The following SAMD12 variants were observed in gnomAD, a reference collection of about 807,000 sequenced individuals.
SAMD12 encodes sterile alpha motif domain containing 12.
Under a neutral mutation model 15.0 loss-of-function variants are expected in SAMD12, and 9 were observed. The observed-to-expected ratio is 0.60, with a 90% CI of 0.36 to 1.05. SAMD12 has a LOEUF of 1.05. Among genes scored for constraint, SAMD12 ranks in the 50% least tolerant of loss-of-function variants. The pLI is 0.01. For synonymous variants in SAMD12, 86 were observed against 90.1 expected, an observed-to-expected ratio of 0.96 and a Z score of 0.25; for missense variants, 230 against 234.2, an observed-to-expected ratio of 0.98 and a Z score of 0.12.
At chr8:118,385,962 C>T (rs530461760) in intron 3 of SAMD12, among the ~76,000 whole-genome samples, 3 of 152,252 alleles carry the variant, frequency 2.0e-5, no homozygotes, top group Admixed American at 6.5e-5. Context: ...ATAGAGAACA[C>T]GAGACTAAAT....
chr8:118,166,350 T>C, the SAMD12 span, among the ~76,000 whole-genome samples: 1 of 152,244 alleles, frequency 6.6e-6, no homozygotes, highest in Non-Finnish European at 1.5e-5. Flanking sequence ...TAGGATTTTA[T>C]ACTTACAGTA....
intron 2 of SAMD12, among the ~76,000 whole-genome samples, chr8:118,576,505 C>G (rs531199255): frequency 6.6e-6 from 1 of 152,260 alleles, no homozygotes; most frequent in East Asian, 1.9e-4. Context: ...TTAGACTTCA[C>G]GGCTAAAGGC....
chr8:118,621,836 C>G lies in SAMD12; in HGVS notation c.-20G>C. On this transcript the variant is annotated 5_prime_UTR_variant, in exon 1 of 4. Coordinates refer to ENST00000314727, the MANE Select transcript of SAMD12 (RefSeq NM_207506.3). ...AGCCATTCTCTCAGAGCTTCCCTAA[C>G]GCATGCATAATTTTCTTGGCCGAGG... 6.2e-7 allele frequency: 1 copy of G among 1,613,944 alleles called. No individual in the cohort carries two copies. The highest frequency in any genetic ancestry group is 8.5e-7 in the Non-Finnish European group (1 of 1,179,814).
At chr8:118,560,862 T>C (rs1023071246) in intron 2 of SAMD12, among the ~76,000 whole-genome samples, 10 of 152,072 alleles carry the variant, frequency 6.6e-5, no homozygotes, top group Admixed American at 5.9e-4. Flanking sequence ...TATAGAAAAA[T>C]AATACAAACT....
chr8:118,283,845 G>A (rs913614029), intron 4 of SAMD12, among the ~76,000 whole-genome samples: 1 of 152,154 alleles, frequency 6.6e-6, no homozygotes, highest in Non-Finnish European at 1.5e-5. Context: ...GAAGAGTAAG[G>A]TTCTATTCTC....
At chr8:118,483,818 AC>A (rs1824198505) in intron 2 of SAMD12, among the ~76,000 whole-genome samples, 1 of 152,112 alleles carries the variant, frequency 6.6e-6, no homozygotes, top group Admixed American at 6.6e-5. Context: ...TGTCATTCTT[AC>A]CCCCATTTCG....
At chr8:118,351,650 G>T (rs965429341) in intron 4 of SAMD12, among the ~76,000 whole-genome samples, 9 of 152,166 alleles carry the variant, frequency 5.9e-5, no homozygotes, top group Non-Finnish European at 1.3e-4. Context: ...AAAGGAGCTT[G>T]CCCAAGTTCC....
At chr8:118,266,400 A>G (rs1813200669) in intron 4 of SAMD12, among the ~76,000 whole-genome samples, 2 of 152,190 alleles carry the variant, frequency 1.3e-5, no homozygotes, top group Non-Finnish European at 2.9e-5. Context: ...GGGGATGTAA[A>G]TTAGTACAAC....
intron 2 of SAMD12, among the ~76,000 whole-genome samples, chr8:118,532,849 C>T (rs989979402): frequency 5.9e-5 from 9 of 152,034 alleles, no homozygotes; most frequent in African/African-American, 2.2e-4. Context: ...ACTAGTCTTT[C>T]TAGCGGTCTA....
At chr8:118,161,085 T>C in the SAMD12 span, among the ~76,000 whole-genome samples, 13 of 152,106 alleles carry the variant, frequency 8.5e-5, no homozygotes, top group African/African-American at 3.1e-4. Flanking sequence ...AGAATGATGG[T>C]TTCCAGTTTC....
intron 2 of SAMD12, among the ~76,000 whole-genome samples, chr8:118,514,509 A>G (rs1423483440): frequency 6.6e-5 from 10 of 152,344 alleles, no homozygotes; most frequent in African/African-American, 1.9e-4. Flanking sequence ...AGGAAGGCTA[A>G]CAAATTCTCA....
chr8:118,476,021 GTA>G (rs1249883754), intron 2 of SAMD12, among the ~76,000 whole-genome samples: 1 of 152,180 alleles, frequency 6.6e-6, no homozygotes, highest in Non-Finnish European at 1.5e-5. Flanking sequence ...TTAAGTAATA[GTA>G]TAAAACATCT....
intron 3 of SAMD12, among the ~76,000 whole-genome samples, chr8:118,420,179 T>G (rs575785043): frequency 1.3e-5 from 2 of 152,252 alleles, no homozygotes; most frequent in South Asian, 4.2e-4. Flanking sequence ...CTGATAACTA[T>G]CAAGGTACAA....
intron 4 of SAMD12, among the ~76,000 whole-genome samples, chr8:118,337,970 T>C (rs889615766): frequency 6.6e-6 from 1 of 152,208 alleles, no homozygotes; most frequent in African/African-American, 2.4e-5. Flanking sequence ...ATACTATACA[T>C]AGGATGCCAG....
At chr8:118,205,519 G>T (rs1348298674) in intron 4 of SAMD12, among the ~76,000 whole-genome samples, 1 of 152,216 alleles carries the variant, frequency 6.6e-6, no homozygotes, top group East Asian at 1.9e-4. Flanking sequence ...GACAGGCTGT[G>T]GCCTTTAGGC....
chr8:118,136,266 G>C, the SAMD12 span, among the ~76,000 whole-genome samples: 1 of 151,934 alleles, frequency 6.6e-6, no homozygotes, highest in African/African-American at 2.4e-5. Flanking sequence ...CTGACCTCAA[G>C]TGATCCGCCC....
At chr8:118,610,795 C>T (rs552206953) in intron 1 of SAMD12, among the ~76,000 whole-genome samples, 1 of 152,146 alleles carries the variant, frequency 6.6e-6, no homozygotes, top group Non-Finnish European at 1.5e-5. Context: ...AGTCTCTCTC[C>T]CCATGAAAAT....
chr8:118,611,353 A>G (rs1828107027), intron 1 of SAMD12, among the ~76,000 whole-genome samples: 1 of 152,234 alleles, frequency 6.6e-6, no homozygotes, highest in Non-Finnish European at 1.5e-5. Flanking sequence ...AGCAGAAAAA[A>G]ATGAAAGGCA....
At chr8:118,145,837 T>C in the SAMD12 span, among the ~76,000 whole-genome samples, 2 of 152,190 alleles carry the variant, frequency 1.3e-5, no homozygotes, top group African/African-American at 4.8e-5. Flanking sequence ...GTGCCACTGT[T>C]ATACTCGGTC....
Sources: gnomAD v4.1 joint callset for allele counts (sites outside exome capture counted in the v4.1 genomes callset) on GRCh38, gnomAD v4.1.1 for gene constraint, MANE v1.5 for transcripts, NCBI Gene and HGNC (gene_info 2026-07-23, HGNC 2026-07-21) for gene names.